DYNC2H1: variants seen among roughly 807,000 people sequenced by gnomAD.
DYNC2H1 encodes the protein cytoplasmic dynein 2 heavy chain 1.
DYNC2H1 carries 410 observed loss-of-function variants against 570.0 expected under a neutral mutation model. The ratio of observed to expected loss-of-function variants is 0.72; its 90% CI spans 0.66 to 0.78. The LOEUF (loss-of-function observed/expected upper bound fraction) is 0.78. Among genes scored for constraint, DYNC2H1 ranks in the 30% least tolerant of loss-of-function variants. The pLI is 0.00. For missense variants in DYNC2H1, 4,865 were observed against 5,046.4 expected, an observed-to-expected ratio of 0.96 and a Z score of 1.09; for synonymous variants, 1,688 against 1,677.6, an observed-to-expected ratio of 1.01 and a Z score of -0.15.
At chr11:103,408,428 C>T (rs1192579586) in intron 84 of DYNC2H1, 1 of 151,994 alleles carries the variant, frequency 6.6e-6, no homozygotes, top group Non-Finnish European at 1.5e-5. Flanking sequence ...TATGCAATTA[C>T]CGGGCTCTAC....
chr11:103,380,896 A>G lies in DYNC2H1; in HGVS notation c.12157-18767A>G, dbSNP rs148396435. 3.2e-3 allele frequency among the ~76,000 whole-genome samples: 483 copies of G among 152,296 alleles called. 2 individuals are homozygous for G. Among genetic ancestry groups the G allele is most frequent in the Non-Finnish European group, 5.3e-3 (359 of 68,026 alleles). On this transcript the variant is annotated intron_variant, in intron 83 of 88. Coordinates refer to ENST00000375735, the MANE Select transcript of DYNC2H1 (RefSeq NM_001377.3). ...TTTAGACAAAAAAAGGTGGAATGGT[A>G]TACCAGGGAAAAGGAAATACCTGCC...
intron 65 of DYNC2H1, among the ~76,000 whole-genome samples, chr11:103,248,960 C>CCCT (rs1183321131): frequency 4.6e-5 from 7 of 152,008 alleles, no homozygotes; most frequent in Non-Finnish European, 1.0e-4. Flanking sequence ...TTGGCACTTT[C>CCCT]CCTGGAAAGG....
At chr11:103,398,960 A>G (rs957997581) in intron 83 of DYNC2H1, among the ~76,000 whole-genome samples, 1 of 152,092 alleles carries the variant, frequency 6.6e-6, no homozygotes, top group South Asian at 2.1e-4. Flanking sequence ...GCCCATTCAC[A>G]TTTTATTTTA....
At chr11:103,378,452 G>A (rs183295999) in intron 83 of DYNC2H1, among the ~76,000 whole-genome samples, 1 of 152,128 alleles carries the variant, frequency 6.6e-6, no homozygotes, top group African/African-American at 2.4e-5. Flanking sequence ...GAGCTAATTA[G>A]GGTAAGCCTT....
rs1382664135 is a variant in DYNC2H1, at chr11:103,244,851, TAC to T, written c.9919-390_9919-389del. Among the ~76,000 whole-genome samples, 9 of 150,630 alleles carry T rather than the reference TAC, an allele frequency of 6.0e-5. No individual in the cohort carries two copies. The East Asian group carries it at 1.8e-3, about 29-fold the overall frequency. ...CTATATAGTTACTTTTATATATATG[TAC>T]ACACACACATATATATATACACACA... On this transcript the variant is annotated intron_variant, in intron 64 of 88. Coordinates refer to ENST00000375735, the MANE Select transcript of DYNC2H1 (RefSeq NM_001377.3). This position sits in a 1 kb window ranked among gnomAD's most constrained non-coding sequence, Gnocchi z 4.3.
intron 47 of DYNC2H1, among the ~76,000 whole-genome samples, chr11:103,194,512 A>G (rs568139698): frequency 6.6e-6 from 1 of 152,042 alleles, no homozygotes; most frequent in East Asian, 1.9e-4. Context: ...TTATAGCGGT[A>G]TTGTTCCTCA....
In DYNC2H1 at chr11:103,129,884, G is replaced by C. The variant is rs995159148; in HGVS notation, c.1953+879G>C. ...GAAAGTGGATAACTAGTTGTGTCAG[G>C]ATCCTCAGGACCACCCCAGATTCTT... On this transcript the variant is annotated intron_variant, in intron 13 of 88. Coordinates refer to ENST00000375735, the MANE Select transcript of DYNC2H1 (RefSeq NM_001377.3). The surrounding 1 kb of genome is among the most constrained non-coding windows in gnomAD (Gnocchi z 4.1). 3.3e-5 allele frequency among the ~76,000 whole-genome samples: 5 copies of C among 151,974 alleles called. No individual in the cohort carries two copies. Among genetic ancestry groups the C allele is most frequent in the African/African-American group, 1.2e-4 (5 of 41,368 alleles).
chr11:103,466,339 A>G (rs1449929443), intron 87 of DYNC2H1, among the ~76,000 whole-genome samples: 1 of 152,232 alleles, frequency 6.6e-6, no homozygotes, highest in Admixed American at 6.5e-5. Flanking sequence ...AGACTTTTAG[A>G]AACAAAACAC....
rs1347831787 is a variant in DYNC2H1 at position 103,244,640 on chromosome 11, A to G, written c.9919-611A>G. Among the ~76,000 whole-genome samples the G allele has an allele frequency of 6.7e-6, 1 of 148,552 alleles. No individual in the cohort carries two copies. The highest frequency in any genetic ancestry group is 1.5e-5 in the Non-Finnish European group (1 of 67,240). ...ATGACTACATATAAGTATACTATAT[A>G]TCTCTATATAGTTATATACATTATA... On this transcript the variant is annotated intron_variant, in intron 64 of 88. Transcript: ENST00000375735. This position sits in a 1 kb window ranked among gnomAD's most constrained non-coding sequence, Gnocchi z 4.3.
chr11:103,281,952 GTTGTT>G (rs1283665794), intron 71 of DYNC2H1, among the ~76,000 whole-genome samples: 2 of 151,804 alleles, frequency 1.3e-5, no homozygotes, highest in Admixed American at 1.3e-4. Flanking sequence ...ATATAATGGA[GTTGTT>G]TTGTTTTAAT....
chr11:103,315,725 T>C (rs549152038), intron 79 of DYNC2H1, among the ~76,000 whole-genome samples: 18 of 152,028 alleles, frequency 1.2e-4, no homozygotes, highest in Non-Finnish European at 2.5e-4. Context: ...AAAGTTATTA[T>C]CATTTTACAG....
intron 24 of DYNC2H1, 83 bp downstream of exon 24, chr11:103,154,892 CT>C: frequency 1.0e-6 from 1 of 984,388 alleles, no homozygotes. Context: ...TATAATTTTA[CT>C]TTATATGTTT....
At chr11:103,385,725 G>A (rs1032476173) in intron 83 of DYNC2H1, among the ~76,000 whole-genome samples, 1 of 152,168 alleles carries the variant, frequency 6.6e-6, no homozygotes, top group Admixed American at 6.5e-5. Flanking sequence ...CTCCTGGAGA[G>A]ATTTTATTTA....
At chr11:103,361,382 C>G (rs569881875) in intron 83 of DYNC2H1, among the ~76,000 whole-genome samples, 1 of 152,190 alleles carries the variant, frequency 6.6e-6, no homozygotes, top group Admixed American at 6.5e-5. Flanking sequence ...CTGCTGGTGT[C>G]TTGATCTTAG....
In DYNC2H1 at chr11:103,199,985, T is replaced by C; in HGVS notation, c.8089-61T>C. On this transcript the variant is annotated intron_variant, in intron 49 of 88. Coordinates refer to ENST00000375735, the MANE Select transcript of DYNC2H1 (RefSeq NM_001377.3). This position sits in a 1 kb window ranked among gnomAD's most constrained non-coding sequence, Gnocchi z 4.6. ...TACTTTACATACAAATACAAAATGT[T>C]AATTTTTAACTGTACCAAAAATACT... The C allele has an allele frequency of 1.8e-6, 2 of 1,095,590 alleles. No individual in the cohort carries two copies. Among genetic ancestry groups the C allele is most frequent in the Non-Finnish European group, 1.3e-6 (1 of 740,800 alleles). The allele number at this position is 1,095,590 out of a possible 1,614,324, so 67.9% of individuals were successfully genotyped here.
chr11:103,187,163 T>C (rs1159333021), intron 42 of DYNC2H1, among the ~76,000 whole-genome samples, 177 bp from the exon 43 acceptor site: 2 of 152,076 alleles, frequency 1.3e-5, no homozygotes, highest in East Asian at 1.9e-4. Context: ...GTTTTTCTAG[T>C]CTAAAAGAAA....
chr11:103,468,073 T>G (rs1389024071), intron 87 of DYNC2H1, among the ~76,000 whole-genome samples: 2 of 151,738 alleles, frequency 1.3e-5, no homozygotes, highest in African/African-American at 2.4e-5. Flanking sequence ...TTTTCAGGAT[T>G]TCTTATATCT....
intron 70 of DYNC2H1, among the ~76,000 whole-genome samples, chr11:103,269,981 G>A (rs1012690217): frequency 6.6e-5 from 10 of 151,902 alleles, no homozygotes; most frequent in African/African-American, 2.4e-4. Flanking sequence ...ATCACCTGAG[G>A]TCAGGATTTG....
chr11:103,233,552 G>A (rs899871889), intron 60 of DYNC2H1, among the ~76,000 whole-genome samples: 1 of 151,832 alleles, frequency 6.6e-6, no homozygotes, highest in Non-Finnish European at 1.5e-5. Context: ...GTTGGGCTGT[G>A]GGGTGAGGAA....
Sources: gnomAD v4.1 joint callset for allele counts (sites outside exome capture counted in the v4.1 genomes callset) on GRCh38, gnomAD v4.1.1 for gene constraint, Gnocchi (gnomAD v3.1) non-coding constraint, MANE v1.5 for transcripts, NCBI Gene and HGNC (gene_info 2026-07-23, HGNC 2026-07-21) for gene names.